The following CCDC88C variants were observed in gnomAD, a reference collection of about 807,000 sequenced individuals.
CCDC88C encodes the protein coiled-coil and HOOK domain protein 88C, also known as protein Daple.
Under a neutral mutation model 198.8 loss-of-function variants are expected in CCDC88C, and 131 were observed. The observed-to-expected ratio is 0.66, with a 90% CI of 0.57 to 0.76. CCDC88C has a LOEUF of 0.76. Ranked by LOEUF, CCDC88C falls within the 30% of genes least tolerant of loss-of-function variation. The pLI is 0.00. For synonymous variants in CCDC88C, 1,166 were observed against 1,114.7 expected (o/e 1.05, Z -0.92); for missense variants, 2,553 against 2,631.6 (o/e 0.97, Z 0.65).
intron 3 of CCDC88C, among the ~76,000 whole-genome samples, chr14:91,376,533 A>G (rs1376219907): frequency 6.6e-6 from 1 of 152,238 alleles, no homozygotes; most frequent in Non-Finnish European, 1.5e-5. Flanking sequence ...AGGTGGGAAC[A>G]CAGCCCTGGT....
chr14:91,354,828 C>A (rs536936821), intron 4 of CCDC88C, among the ~76,000 whole-genome samples: 1 of 152,060 alleles, frequency 6.6e-6, no homozygotes, highest in African/African-American at 2.4e-5. Context: ...TGCACCCTAA[C>A]GGGGGAAAAG....
intron 25 of CCDC88C, chr14:91,285,557 AG>A: frequency 1.0e-6 from 1 of 989,812 alleles, no homozygotes; most frequent in African/African-American, 1.7e-5. Context: ...TGGGGGCAGG[AG>A]GAGGGGTCCG....
intron 25 of CCDC88C, among the ~76,000 whole-genome samples, chr14:91,287,107 T>G (rs1012740915): frequency 2.6e-5 from 4 of 152,204 alleles, no homozygotes; most frequent in Non-Finnish European, 5.9e-5. Flanking sequence ...AGACTGATTA[T>G]AGTTAATTAA....
chr14:91,280,464 G>A (rs959732219), intron 27 of CCDC88C, among the ~76,000 whole-genome samples: 6 of 152,180 alleles, frequency 3.9e-5, no homozygotes, highest in Admixed American at 6.5e-5. Flanking sequence ...CAGTGAAAAT[G>A]TGAAATAAAC....
At chr14:91,310,503 C>G (rs1596055775) in intron 15 of CCDC88C, among the ~76,000 whole-genome samples, 1 of 152,150 alleles carries the variant, frequency 6.6e-6, no homozygotes, top group Non-Finnish European at 1.5e-5. Flanking sequence ...GCCTTGAACT[C>G]CTGGCTCAGG....
intron 22 of CCDC88C, among the ~76,000 whole-genome samples, chr14:91,295,651 C>T (rs1596035918): frequency 6.6e-6 from 1 of 152,356 alleles, no homozygotes; most frequent in East Asian, 1.9e-4. Flanking sequence ...CAATGTAAGG[C>T]ATATGGGCTC....
chr14:91,387,437 G>A (rs149386113), intron 3 of CCDC88C, among the ~76,000 whole-genome samples: 320 of 152,324 alleles, frequency 2.1e-3, no homozygotes, highest in African/African-American at 7.3e-3. Context: ...CGCAGCATGT[G>A]TGGCGGGAAC....
intron 3 of CCDC88C, among the ~76,000 whole-genome samples, chr14:91,380,950 G>A (rs566646312): frequency 3.9e-5 from 6 of 152,304 alleles, no homozygotes; most frequent in African/African-American, 1.4e-4. Flanking sequence ...CCACCAATCC[G>A]GTAAGGGTGT....
intron 27 of CCDC88C, among the ~76,000 whole-genome samples, chr14:91,280,209 G>T (rs967479893): frequency 6.6e-6 from 1 of 152,180 alleles, no homozygotes; most frequent in South Asian, 2.1e-4. Flanking sequence ...CACCCAGCAG[G>T]TGCTGAGCTG....
intron 4 of CCDC88C, among the ~76,000 whole-genome samples, chr14:91,350,455 C>T (rs899379086): frequency 2.6e-5 from 4 of 152,216 alleles, no homozygotes; most frequent in African/African-American, 9.7e-5. Context: ...AGCCACCATG[C>T]CCAGACAGAA....
intron 10 of CCDC88C, among the ~76,000 whole-genome samples, chr14:91,327,407 G>A (rs1367727748): frequency 6.6e-6 from 1 of 152,218 alleles, no homozygotes; most frequent in Non-Finnish European, 1.5e-5. Context: ...CGCTGCCTGT[G>A]CCCAGCAGAG....
At chr14:91,409,490 CTT>C (rs66484836) in intron 2 of CCDC88C, among the ~76,000 whole-genome samples, 36,273 of 140,214 alleles carry the variant, frequency 0.26, 5,677 homozygotes, top group East Asian at 0.49. Context: ...CGGTACATTT[CTT>C]TTTTTTTTTT....
At chr14:91,367,942 T>C (rs558938431) in intron 3 of CCDC88C, among the ~76,000 whole-genome samples, 1 of 152,244 alleles carries the variant, frequency 6.6e-6, no homozygotes, top group Admixed American at 6.5e-5. Context: ...AGCCACCTGA[T>C]GCCGGATGAT....
At position 91,273,559 on chromosome 14, in the gene CCDC88C, T is replaced by C; in HGVS notation, c.5153A>G (p.Lys1718Arg). ...AIGGQPGPPA[K>R]KEGAKMPTNF... ...GGTGGGCATCTTGGCCCCTTCTTTC[T>C]TGGCAGGTGGTCCTGGTTGGCCTCC... is the stretch of plus-strand genomic sequence containing the variant. Residue 1718 changes from lysine (K) to arginine (R), a missense_variant, in exon 30 of 30, where the codon AAG becomes AGG. Lys to Arg is a conservative substitution (Grantham distance 26). This residue lies in a region of CCDC88C where 1,293 missense variants were observed against 1,219.6 expected (regional missense o/e 1.06). Coordinates refer to ENST00000389857, the MANE Select transcript of CCDC88C (RefSeq NM_001080414.4). The surrounding 1 kb of genome is among the most constrained non-coding windows in gnomAD (Gnocchi z 5.6). 1.3e-6 allele frequency: 2 copies of C among 1,505,708 alleles called. No individual in the cohort carries two copies. The highest frequency in any genetic ancestry group is 2.8e-5 in the African/African-American group (2 of 71,176). The allele number at this position is 1,505,708 out of a possible 1,614,324, so 93.3% of individuals were successfully genotyped here.
At chr14:91,296,790 C>T (rs1891025985) in intron 22 of CCDC88C, among the ~76,000 whole-genome samples, 1 of 152,204 alleles carries the variant, frequency 6.6e-6, no homozygotes, top group African/African-American at 2.4e-5. Flanking sequence ...ACCTGCCTCA[C>T]CAGCCTTCCA....
intron 5 of CCDC88C, 38 bp from the exon 6 acceptor site, chr14:91,342,501 A>C: frequency 7.4e-7 from 1 of 1,353,036 alleles, no homozygotes; most frequent in Non-Finnish European, 1.0e-6. Flanking sequence ...AGCGCTGTTC[A>C]AGTGAGGGTG....
In CCDC88C at chr14:91,352,218, G is replaced by A. The variant is rs190340390; in HGVS notation, c.340+7424C>T. On this transcript the variant is annotated intron_variant, in intron 4 of 29. Coordinates refer to ENST00000389857, the MANE Select transcript of CCDC88C (RefSeq NM_001080414.4). The surrounding 1 kb of genome is among the most constrained non-coding windows in gnomAD (Gnocchi z 4.2). ...CCATGGTGTGGCTGTTGCAGCCAGC[G>A]GCGTTCTCTGTGTGCCTGGGCCATC... Among the ~76,000 whole-genome samples, 1 of 152,358 alleles carries A rather than the reference G, an allele frequency of 6.6e-6. No individual in the cohort carries two copies. The highest frequency in any genetic ancestry group is 1.9e-4 in the East Asian group (1 of 5,180).
intron 4 of CCDC88C, among the ~76,000 whole-genome samples, chr14:91,345,426 C>T (rs1282947066): frequency 9.2e-5 from 14 of 151,822 alleles, no homozygotes; most frequent in Non-Finnish European, 1.3e-4. Flanking sequence ...CTCCTGACCT[C>T]GTGATCTGCT....
intron 2 of CCDC88C, among the ~76,000 whole-genome samples, chr14:91,411,455 G>A (rs909580548): frequency 6.6e-6 from 1 of 152,152 alleles, no homozygotes; most frequent in Non-Finnish European, 1.5e-5. Flanking sequence ...TATTATAACC[G>A]CTAAACAACT....
Sources: gnomAD v4.1 joint callset for allele counts (sites outside exome capture counted in the v4.1 genomes callset) on GRCh38, gnomAD v4.1.1 for gene constraint, gnomAD v4.1.1 regional missense constraint, Gnocchi (gnomAD v3.1) non-coding constraint, MANE v1.5 for transcripts, NCBI Gene and HGNC (gene_info 2026-07-23, HGNC 2026-07-21) for gene names.